Variants in NEDD1 observed in about 807,000 individuals in gnomAD.
NEDD1 encodes protein NEDD1.
A neutral mutation model predicts 74.0 loss-of-function variants in NEDD1; 33 were observed. The observed-to-expected ratio is 0.45, with a 90% CI of 0.34 to 0.60. NEDD1 has a LOEUF of 0.60. Among genes scored for constraint, NEDD1 ranks in the 20% least tolerant of loss-of-function variants. The pLI is 0.01. For missense variants in NEDD1, 746 were observed against 776.5 expected (o/e 0.96, Z 0.47); for synonymous variants, 250 against 264.4 (o/e 0.95, Z 0.53).
intron 13 of NEDD1, 23 bp from the exon 14 acceptor site, chr12:96,945,670 A>G (rs2136617991): frequency 5.4e-6 from 8 of 1,487,582 alleles, no homozygotes; most frequent in Non-Finnish European, 7.5e-6. Context: ...GACTATTAAT[A>G]TTTTCTTCAT....
intron 2 of NEDD1, among the ~76,000 whole-genome samples, chr12:96,908,843 C>T (rs762009920): frequency 4.6e-5 from 7 of 152,124 alleles, no homozygotes; most frequent in Non-Finnish European, 7.4e-5. Context: ...TGTTTCAAGA[C>T]TCTGGTGTGG....
chr12:96,913,718 G>A (rs1874156852), intron 4 of NEDD1, among the ~76,000 whole-genome samples: 1 of 151,846 alleles, frequency 6.6e-6, no homozygotes, highest in South Asian at 2.1e-4. Context: ...GGATAATACT[G>A]GCTTCTTCAT....
chr12:96,930,689 G>A (rs547540428), intron 6 of NEDD1, among the ~76,000 whole-genome samples: 1 of 152,260 alleles, frequency 6.6e-6, no homozygotes, highest in East Asian at 1.9e-4. Context: ...GAGTGAGTGA[G>A]CCACTCTTAC....
At chr12:96,935,325 T>C (rs1876983060) in intron 7 of NEDD1, 120 bp downstream of exon 7, 2 of 635,570 alleles carry the variant, frequency 3.1e-6, no homozygotes, top group Admixed American at 5.7e-5. Context: ...GTTTGTACAG[T>C]TGATGGATCT....
intron 7 of NEDD1, among the ~76,000 whole-genome samples, chr12:96,936,296 G>C (rs1009004579): frequency 5.9e-5 from 9 of 152,204 alleles, no homozygotes; most frequent in Non-Finnish European, 1.3e-4. Context: ...TGGCGTAATA[G>C]ACAGTTCTGC....
rs1370231919 is a variant in NEDD1, at chr12:96,935,221, T to C, written c.719+16T>C. 5 of 1,361,240 alleles carry C rather than the reference T, an allele frequency of 3.7e-6. No homozygotes were observed. Among genetic ancestry groups the C allele is most frequent in the South Asian group, 2.3e-5 (2 of 85,766 alleles). 84.3% of individuals were successfully genotyped at this position (1,361,240 alleles called of 1,614,324 possible). On this transcript the variant is annotated intron_variant, in intron 7 of 15. Coordinates refer to ENST00000266742, the MANE Select transcript of NEDD1 (RefSeq NM_152905.4). ...CAAGTAAGAAGTAAGTGTGACATGC[T>C]TATTTCTTAATTTAGTAACAAATAG...
At position 96,952,051 on chromosome 12, in the gene NEDD1, T is replaced by G; in HGVS notation, c.1981T>G (p.Ter661GlyextTer10). 1.3e-6 allele frequency: 2 copies of G among 1,559,056 alleles called. No homozygotes were observed. Among genetic ancestry groups the G allele is most frequent in the Non-Finnish European group, 1.8e-6 (2 of 1,132,300 alleles). ...AAACAAAAGATTACGGGCCCACTTT[T>G]GAAATTTCAGTGAATACCTTAATGT... is the stretch of plus-strand genomic sequence containing the variant. ...EENKRLRAHF[*>G] Residue 661 changes from the stop codon to glycine, a stop_lost, in exon 16 of 16, where the codon TGA (stop) becomes GGA (glycine). Coordinates refer to ENST00000266742, the MANE Select transcript of NEDD1 (RefSeq NM_152905.4).
At chr12:96,938,834 C>G (rs1877385143) in intron 9 of NEDD1, among the ~76,000 whole-genome samples, 1 of 45,466 alleles carries the variant, frequency 2.2e-5, no homozygotes, top group African/African-American at 8.9e-5. Context: ...CTCTCTCTCT[C>G]TCACACACAC....
chr12:96,922,194 G>A (rs1398977647), intron 6 of NEDD1, among the ~76,000 whole-genome samples: 1 of 152,126 alleles, frequency 6.6e-6, no homozygotes, highest in African/African-American at 2.4e-5. Context: ...TTTTATGGAT[G>A]AAGATAAATG....
In NEDD1 at chr12:96,944,755, G is replaced by T; in HGVS notation, c.1614G>T (p.Gln538His). The stretch of plus-strand genomic sequence containing the variant: ...AGCCAGAGAATGAAATTGAAGCCCA[G>T]TTGATATGTGAACCCCCAATCAATG... ...FEKPENEIEA[Q>H]LICEPPINGS... Residue 538 changes from glutamine to histidine, a missense_variant, in exon 13 of 16, where the codon CAG becomes CAT. Around this residue, in one of 3 missense-constraint regions of NEDD1, gnomAD observed 706 missense variants for 706.7 expected, o/e 1.00. Transcript: ENST00000266742. 1 of 1,587,148 alleles carries T rather than the reference G, an allele frequency of 6.3e-7. No homozygotes were observed. The highest frequency in any genetic ancestry group is 8.6e-7 in the Non-Finnish European group (1 of 1,168,972).
chr12:96,945,911 A>G (rs1878154634), intron 14 of NEDD1, 62 bp downstream of exon 14: 1 of 997,966 alleles, frequency 1.0e-6, no homozygotes, highest in Middle Eastern at 2.2e-4. Flanking sequence ...TAGATGTAAA[A>G]CCAGAACTAT....
intron 2 of NEDD1, 39 bp downstream of exon 2, chr12:96,907,895 A>G (rs766175089): frequency 9.9e-6 from 13 of 1,318,986 alleles, no homozygotes; most frequent in South Asian, 2.0e-5. Flanking sequence ...CCCCGCTTTA[A>G]GAGCCGAAAA....
intron 15 of NEDD1, 86 bp downstream of exon 15, chr12:96,951,584 T>C: frequency 1.4e-6 from 1 of 715,398 alleles, no homozygotes; most frequent in South Asian, 2.0e-5. Flanking sequence ...TAATATATTT[T>C]AGTTGTTTTG....
At chr12:96,946,346 A>G (rs1388853742) in intron 14 of NEDD1, among the ~76,000 whole-genome samples, 1 of 152,184 alleles carries the variant, frequency 6.6e-6, no homozygotes, top group East Asian at 1.9e-4. Flanking sequence ...GAACATTCTA[A>G]GAATGTGTTC....
chr12:96,934,522 G>A (rs886559065), intron 6 of NEDD1, among the ~76,000 whole-genome samples: 2 of 150,306 alleles, frequency 1.3e-5, no homozygotes, highest in African/African-American at 2.5e-5. Flanking sequence ...TTAAGACAGA[G>A]TTGGGTTTTT....
At chr12:96,945,240 A>G (rs1878080273) in intron 13 of NEDD1, among the ~76,000 whole-genome samples, 1 of 151,824 alleles carries the variant, frequency 6.6e-6, no homozygotes, top group South Asian at 2.1e-4. Flanking sequence ...TTTACAATCA[A>G]CTCTCATATA....
intron 2 of NEDD1, among the ~76,000 whole-genome samples, chr12:96,908,327 C>T (rs1873538173): frequency 6.6e-6 from 1 of 152,194 alleles, no homozygotes; most frequent in Non-Finnish European, 1.5e-5. Flanking sequence ...ATGGCTTATA[C>T]TAGACGTAGG....
rs1462168970 is a variant in NEDD1 at position 96,953,565 on chromosome 12, A to G, written c.*1512A>G. ...GTTGCTTTTTTAAAAAAATAAATAC[A>G]CATAATGTATATTAAAAGAGGTGGG... On this transcript the variant is annotated 3_prime_UTR_variant, in exon 16 of 16. Transcript: ENST00000266742. 1 of 151,426 alleles carries G rather than the reference A, an allele frequency of 6.6e-6. No homozygotes were observed. Among genetic ancestry groups the G allele is most frequent in the Non-Finnish European group, 1.5e-5 (1 of 67,806 alleles). 9.4% of individuals were successfully genotyped at this position (151,426 alleles called of 1,614,324 possible).
At chr12:96,923,808 G>C (rs1280155261) in intron 6 of NEDD1, among the ~76,000 whole-genome samples, 1 of 151,066 alleles carries the variant, frequency 6.6e-6, no homozygotes, top group Non-Finnish European at 1.5e-5. Flanking sequence ...GTGTGTGTGT[G>C]TGTGTGTGTG....
Sources: allele counts gnomAD v4.1 joint callset (sites outside exome capture counted in the v4.1 genomes callset), GRCh38; gene constraint gnomAD v4.1.1; regional missense constraint gnomAD v4.1.1; transcripts MANE v1.5; gene names NCBI Gene and HGNC (gene_info 2026-07-23, HGNC 2026-07-21).